VAT1L: variants seen among roughly 807,000 people sequenced by gnomAD.
VAT1L encodes the protein putative NADPH-dependent quinone oxidoreductase VAT1L.
A neutral mutation model predicts 44.1 loss-of-function variants in VAT1L; 34 were observed. That is an observed-to-expected ratio of 0.77 (90% CI 0.59 to 1.03). VAT1L has a LOEUF of 1.03. VAT1L is among the 50% of genes least tolerant of loss of function. The pLI is 0.00. For synonymous variants in VAT1L, 253 were observed against 202.2 expected (o/e 1.25, Z -2.13); for missense variants, 615 against 538.8 (o/e 1.14, Z -1.40).
rs551442488 is a variant in VAT1L at position 77,871,625 on chromosome 16, C to A, written c.723-4745C>A. Among the ~76,000 whole-genome samples the A allele has an allele frequency of 2.0e-5, 3 of 152,280 alleles. No individual in the cohort carries two copies. In the South Asian group the frequency reaches 6.2e-4, roughly 32 times the overall value. On this transcript the variant is annotated intron_variant, in intron 4 of 8. Transcript: ENST00000302536. The stretch of plus-strand genomic sequence containing the variant: ...GTGGGCCCAGGGGTGAGTCACCTGA[C>A]CCTCACTGAGCCTCATTTTCCTTGT...
At chr16:77,803,167 G>A (rs1222858866) in intron 1 of VAT1L, among the ~76,000 whole-genome samples, 1 of 152,172 alleles carries the variant, frequency 6.6e-6, no homozygotes, top group Non-Finnish European at 1.5e-5. Flanking sequence ...AGATAATAGG[G>A]TAGAGATGCT....
chr16:77,853,409 C>A (rs1339130738), intron 3 of VAT1L, among the ~76,000 whole-genome samples: 1 of 152,138 alleles, frequency 6.6e-6, no homozygotes, highest in African/African-American at 2.4e-5. Flanking sequence ...GATCTCAGCG[C>A]CGTCAGCACA....
intron 1 of VAT1L, among the ~76,000 whole-genome samples, chr16:77,797,112 A>C (rs542834665): frequency 6.7e-6 from 1 of 148,546 alleles, no homozygotes; most frequent in East Asian, 2.0e-4. Context: ...TTGTACCCTT[A>C]AATCTTTTTT....
intron 7 of VAT1L, among the ~76,000 whole-genome samples, chr16:77,944,516 A>C (rs1459521224): frequency 1.3e-5 from 2 of 152,200 alleles, no homozygotes; most frequent in Non-Finnish European, 2.9e-5. Context: ...TGTGACCATG[A>C]GCATAGTAAG....
chr16:77,945,641 C>G (rs2017952033), intron 7 of VAT1L, among the ~76,000 whole-genome samples: 1 of 151,970 alleles, frequency 6.6e-6, no homozygotes, highest in South Asian at 2.1e-4. Flanking sequence ...AGCACATATT[C>G]AACAGAGACA....
At chr16:77,861,784 T>C (rs1400133513) in intron 3 of VAT1L, among the ~76,000 whole-genome samples, 1 of 152,206 alleles carries the variant, frequency 6.6e-6, no homozygotes, top group African/African-American at 2.4e-5. Flanking sequence ...CAGATGCAAA[T>C]GTGCTGGATA....
At chr16:77,923,649 C>T (rs946493475) in intron 7 of VAT1L, among the ~76,000 whole-genome samples, 4 of 152,092 alleles carry the variant, frequency 2.6e-5, no homozygotes, top group Non-Finnish European at 5.9e-5. Flanking sequence ...CTTTCTCCTC[C>T]GGGCCTCAGT....
intron 7 of VAT1L, among the ~76,000 whole-genome samples, chr16:77,902,574 C>T (rs539441052): frequency 6.6e-6 from 1 of 152,024 alleles, no homozygotes; most frequent in East Asian, 1.9e-4. Context: ...TTTGGTAAAA[C>T]AATGTAAGAC....
intron 7 of VAT1L, among the ~76,000 whole-genome samples, chr16:77,905,356 C>T (rs987163090): frequency 1.3e-5 from 2 of 152,094 alleles, no homozygotes; most frequent in African/African-American, 4.8e-5. Context: ...AAGTTATTCT[C>T]GCTGCTGACC....
chr16:77,954,346 G>A (rs1002543033), intron 7 of VAT1L, among the ~76,000 whole-genome samples: 1 of 152,160 alleles, frequency 6.6e-6, no homozygotes, highest in Non-Finnish European at 1.5e-5. Context: ...GGAATGTCAG[G>A]CCGGGCGCGG....
intron 7 of VAT1L, among the ~76,000 whole-genome samples, chr16:77,906,057 C>A (rs376260186): frequency 1.7e-4 from 26 of 152,240 alleles, no homozygotes. Context: ...TCACCACTGT[C>A]CCCCCAGTAA....
chr16:77,792,545 G>T (rs1015552248), intron 1 of VAT1L, among the ~76,000 whole-genome samples: 8 of 152,144 alleles, frequency 5.3e-5, no homozygotes, highest in African/African-American at 1.9e-4. Context: ...GCAAGGAACA[G>T]AGGGAGCCTT....
At chr16:77,918,924 A>G (rs1277908818) in intron 7 of VAT1L, among the ~76,000 whole-genome samples, 1 of 152,198 alleles carries the variant, frequency 6.6e-6, no homozygotes, top group Non-Finnish European at 1.5e-5. Flanking sequence ...CATGGCTATT[A>G]GTTAAAATTA....
At chr16:77,825,522 C>G (rs562175352) in intron 3 of VAT1L, 61 bp downstream of exon 3, 2 of 1,524,014 alleles carry the variant, frequency 1.3e-6, no homozygotes, top group Non-Finnish European at 8.9e-7. Context: ...TGGAGTGACA[C>G]CCCCCTGAGG....
intron 7 of VAT1L, among the ~76,000 whole-genome samples, chr16:77,908,112 G>A (rs1317974066): frequency 2.6e-5 from 4 of 151,940 alleles, no homozygotes; most frequent in African/African-American, 7.3e-5. Flanking sequence ...GGTGGCGGAC[G>A]CCTGTAGTCC....
intron 1 of VAT1L, chr16:77,800,057 C>T (rs1171289297): frequency 6.6e-6 from 1 of 152,192 alleles, no homozygotes; most frequent in Admixed American, 6.5e-5. Context: ...CTACAAGAAG[C>T]TAAATCTCTC....
At chr16:77,859,250 T>C (rs929564214) in intron 3 of VAT1L, among the ~76,000 whole-genome samples, 1 of 151,760 alleles carries the variant, frequency 6.6e-6, no homozygotes, top group Non-Finnish European at 1.5e-5. Flanking sequence ...CAGTGAGCCA[T>C]GATTGAACCA....
At chr16:77,945,211 G>A (rs8062679) in intron 7 of VAT1L, among the ~76,000 whole-genome samples, 33,967 of 149,972 alleles carry the variant, frequency 0.23, 5,021 homozygotes, top group Non-Finnish European at 0.31. Flanking sequence ...CAAAAAACAT[G>A]GCTTGTGGTA....
intron 3 of VAT1L, among the ~76,000 whole-genome samples, chr16:77,849,505 T>A (rs895927696): frequency 1.3e-5 from 2 of 152,198 alleles, no homozygotes; most frequent in Non-Finnish European, 2.9e-5. Context: ...GCAAGGGGGA[T>A]GGCTTGGTAA....
Sources: gnomAD v4.1 joint callset for allele counts (sites outside exome capture counted in the v4.1 genomes callset) on GRCh38, gnomAD v4.1.1 for gene constraint, MANE v1.5 for transcripts, NCBI Gene and HGNC (gene_info 2026-07-23, HGNC 2026-07-21) for gene names.